CFI: variants seen among roughly 807,000 people sequenced by gnomAD.
The protein encoded by CFI is C3B/C4B inactivator.
A neutral mutation model predicts 78.8 loss-of-function variants in CFI; 66 were observed. That is an observed-to-expected ratio of 0.84 (90% CI 0.69 to 1.03). The LOEUF (loss-of-function observed/expected upper bound fraction) is 1.03, where lower values mean the gene tolerates loss of function less well. CFI is among the 50% of genes least tolerant of loss of function. The pLI is 0.00. For synonymous variants in CFI, 250 were observed against 232.6 expected (o/e 1.07, Z -0.68); for missense variants, 706 against 704.5 (o/e 1.00, Z -0.02).
At chr4:109,738,263 C>T (rs916448585), downstream of CFI, among the ~76,000 whole-genome samples, 5 of 152,010 alleles carry the variant, frequency 3.3e-5, no homozygotes, top group Non-Finnish European at 5.9e-5. Context: ...TGCAGATGTG[C>T]ACCACCACTC....
At position 109,797,561 on chromosome 4, in the gene CFI, A is replaced by G. The variant is rs533980022; in HGVS notation, c.57+4354T>C. Among the ~76,000 whole-genome samples, 799 of 142,298 alleles carry G rather than the reference A, an allele frequency of 5.6e-3. 5 individuals carry two copies. Among genetic ancestry groups the G allele is most frequent in the African/African-American group, 0.023 (765 of 33,448 alleles). 93.4% of individuals were successfully genotyped at this position (142,298 alleles called of 152,430 possible). ...CGACAAAAGCACAGGCAACAAAAGC[A>G]AAAACAGACAAGTGGGACTACCTCA... On this transcript the variant is annotated intron_variant, in intron 1 of 12. Coordinates refer to ENST00000394634, the MANE Select transcript of CFI (RefSeq NM_000204.5).
In CFI at chr4:109,766,776, T is replaced by C; in HGVS notation, c.106A>G (p.Lys36Glu). The C allele has an allele frequency of 6.2e-7, 1 of 1,614,202 alleles. No homozygotes were observed. The highest frequency in any genetic ancestry group is 8.5e-7 in the Non-Finnish European group (1 of 1,180,020). The change falls in exon 2 of 13, where the codon AAA becomes GAA. Residue 36 changes from lysine to glutamate, a missense_variant. Coordinates refer to ENST00000394634, the MANE Select transcript of CFI (RefSeq NM_000204.5). The stretch of plus-strand genomic sequence containing the variant: ...TCGCAGGAGAGGTGAGTATATTTTT[T>C]TGCTAAGCACTTTTTCTCCACCAGA... ...EDLVEKKCLAKKYTHLSCDKV... is the reference protein window; with the variant it reads ...EDLVEKKCLAEKYTHLSCDKV...
chr4:109,757,142 C>T (rs1726415266), intron 7 of CFI, among the ~76,000 whole-genome samples: 1 of 151,812 alleles, frequency 6.6e-6, no homozygotes, highest in South Asian at 2.1e-4. Flanking sequence ...CATTCTCCTG[C>T]CTCAGCCTCC....
intron 8 of CFI, 28 bp downstream of exon 8, chr4:109,752,440 C>T (rs765701042): frequency 6.2e-7 from 1 of 1,610,722 alleles, no homozygotes; most frequent in Non-Finnish European, 8.5e-7. Flanking sequence ...CAGTGAGCCA[C>T]CAATAAAAAA....
chr4:109,777,368 A>T (rs1729390064), intron 1 of CFI, among the ~76,000 whole-genome samples: 1 of 152,218 alleles, frequency 6.6e-6, no homozygotes, highest in African/African-American at 2.4e-5. Flanking sequence ...ACCAACAAAG[A>T]TCAAAAGAGA....
In CFI at chr4:109,760,635, A is replaced by T. The variant is rs1340329111; in HGVS notation, c.660T>A (p.Asp220Glu). 1 of 1,524,700 alleles carries T rather than the reference A, an allele frequency of 6.6e-7. No homozygotes were observed. Among genetic ancestry groups the T allele is most frequent in the Non-Finnish European group, 9.1e-7 (1 of 1,098,550 alleles). The allele number at this position is 1,524,700 out of a possible 1,614,324, so 94.4% of individuals were successfully genotyped here. ...ADVVCYTQKA[D>E]SPMDDFFQCV... is the part of the protein sequence containing the mutation. ...ACTGAAAGAAGTCATCCATTGGAGA[A>T]TCTGTAAAGCAGGAATTATCTTTGT... The change falls in exon 5 of 13, where the codon GAT becomes GAA. Residue 220 changes from aspartate to glutamate, a missense_variant and splice_region_variant. Asp to Glu is a conservative substitution (Grantham distance 45). Coordinates refer to ENST00000394634, the MANE Select transcript of CFI (RefSeq NM_000204.5).
intron 1 of CFI, chr4:109,793,512 C>T (rs1731639753): frequency 6.6e-6 from 1 of 152,182 alleles, no homozygotes. Flanking sequence ...CTCTGACTTG[C>T]ACTGTATTTC....
intron 10 of CFI, among the ~76,000 whole-genome samples, chr4:109,748,180 AT>A (rs1164003885): frequency 6.6e-6 from 1 of 152,218 alleles, no homozygotes; most frequent in African/African-American, 2.4e-5. Context: ...GCTTTTGTTT[AT>A]AGTGTTCCAA....
At chr4:109,775,665 T>C (rs953268554) in intron 1 of CFI, among the ~76,000 whole-genome samples, 6 of 152,174 alleles carry the variant, frequency 3.9e-5, no homozygotes, top group African/African-American at 7.2e-5. Context: ...TCTCCCAGCA[T>C]GGAGTTTGAG....
Position 109,760,269 on chromosome 4 carries a change from C to G in CFI, c.883+1G>C. The G allele has an allele frequency of 6.2e-7, 1 of 1,609,148 alleles. No individual in the cohort carries two copies. Among genetic ancestry groups the G allele is most frequent in the South Asian group, 1.1e-5 (1 of 90,996 alleles). ...AAAGTCACCCCAAGTCTTTCAATTA[C>G]CTGCACAGCCAACTTCATCTTCCCC... is the stretch of plus-strand genomic sequence containing the variant. On this transcript the variant is annotated splice_donor_variant, in intron 6 of 12. Coordinates refer to ENST00000394634, the MANE Select transcript of CFI (RefSeq NM_000204.5). LOFTEE classifies it high-confidence loss of function.
chr4:109,757,702 C>G, intron 7 of CFI, 61 bp downstream of exon 7: 2 of 1,092,878 alleles, frequency 1.8e-6, no homozygotes, highest in African/African-American at 1.6e-5. Flanking sequence ...AAATATAAGA[C>G]CAAAGAACCT....
chr4:109,746,069 G>A (rs1273676631), intron 11 of CFI, among the ~76,000 whole-genome samples, 153 bp downstream of exon 11: 2 of 152,166 alleles, frequency 1.3e-5, no homozygotes, highest in Non-Finnish European at 2.9e-5. Context: ...TGCACATGCT[G>A]CAAACCCATG....
At chr4:109,745,526 T>C (rs1724304935) in intron 11 of CFI, among the ~76,000 whole-genome samples, 1 of 152,228 alleles carries the variant, frequency 6.6e-6, no homozygotes, top group Admixed American at 6.5e-5. Context: ...TAATCTAATC[T>C]CTAATTCAGC....
chr4:109,740,712 T>C lies in CFI; in HGVS notation c.*181A>G, dbSNP rs753713696. 2.3e-5 allele frequency: 16 copies of C among 688,876 alleles called. No homozygotes were observed. In the Admixed American group the frequency reaches 3.9e-4, roughly 17 times the overall value. 42.7% of individuals were successfully genotyped at this position (688,876 alleles called of 1,614,324 possible). Reference sequence around the variant, plus strand: ...AAAACTTGTATGCTTCACCAAAATATTTATTTGAGAATTATACAACAAAAT... The same window carrying C: ...AAAACTTGTATGCTTCACCAAAATACTTATTTGAGAATTATACAACAAAAT... On this transcript the variant is annotated 3_prime_UTR_variant, in exon 13 of 13. Coordinates refer to ENST00000394634, the MANE Select transcript of CFI (RefSeq NM_000204.5).
rs752671716 is a variant in CFI at position 109,746,418 on chromosome 4, G to A, written c.1233C>T (p.Tyr411=). Residue 411 remains tyrosine, a synonymous_variant, in exon 11 of 13, where the codon TAC becomes TAT. Coordinates refer to ENST00000394634, the MANE Select transcript of CFI (RefSeq NM_000204.5). ...TTTCATGGAAAATAATTCTATCCAC[G>A]TATTCAATTACTATACGTTTAAGGT... ...HPDLKRIVIE[Y]VDRIIFHENY... is the part of the protein sequence containing the mutation. The A allele has an allele frequency of 8.9e-5, 144 of 1,613,404 alleles. 1 individual carries two copies. The highest frequency in any genetic ancestry group is 1.1e-4 in the Non-Finnish European group (132 of 1,179,780).
At chr4:109,758,990 G>A (rs896875580) in intron 6 of CFI, among the ~76,000 whole-genome samples, 1 of 152,220 alleles carries the variant, frequency 6.6e-6, no homozygotes, top group Non-Finnish European at 1.5e-5. Context: ...CTACTCAGGA[G>A]GCTGAGGTGG....
intron 11 of CFI, among the ~76,000 whole-genome samples, chr4:109,745,651 G>A (rs1393657493): frequency 1.3e-5 from 2 of 151,716 alleles, no homozygotes; most frequent in African/African-American, 4.8e-5. Context: ...TTTTTTCTTT[G>A]TAGAGAGGGT....
rs1392427712 is a variant in CFI, at chr4:109,770,570, GA to G, written c.58-3747del. 2.9e-4 allele frequency among the ~76,000 whole-genome samples: 11 copies of G among 37,308 alleles called. No individual in the cohort carries two copies. In the South Asian group the frequency reaches 5.8e-3, roughly 20 times the overall value. 24.5% of individuals were successfully genotyped at this position (37,308 alleles called of 152,430 possible). On this transcript the variant is annotated intron_variant, in intron 1 of 12. Coordinates refer to ENST00000394634, the MANE Select transcript of CFI (RefSeq NM_000204.5). The stretch of plus-strand genomic sequence containing the variant: ...GACTCCATCTCTAAAAAAAAAAAAA[GA>G]AAAAAAAAGAAACCGCTTTACTGGT...
intron 1 of CFI, among the ~76,000 whole-genome samples, chr4:109,782,897 C>T (rs1299364329): frequency 1.3e-5 from 2 of 151,950 alleles, no homozygotes; most frequent in East Asian, 1.9e-4. Flanking sequence ...AACTGATCTT[C>T]GACAAAGCAA....
Sources: gnomAD v4.1 joint callset for allele counts (sites outside exome capture counted in the v4.1 genomes callset) on GRCh38, gnomAD v4.1.1 for gene constraint, MANE v1.5 for transcripts, NCBI Gene and HGNC (gene_info 2026-07-23, HGNC 2026-07-21) for gene names.